The following CDK12 variants were observed in gnomAD, a reference collection of about 807,000 sequenced individuals.
CDK12 encodes the protein cyclin-dependent kinase 12.
In CDK12, 17 loss-of-function variants were observed where a neutral mutation model predicts 133.8. The ratio of observed to expected loss-of-function variants is 0.13; its 90% CI spans 0.09 to 0.19. The LOEUF (loss-of-function observed/expected upper bound fraction) is 0.19. CDK12 is among the 10% of genes least tolerant of loss of function. CDK12 has a pLI of 1.00. For synonymous variants in CDK12, 694 were observed against 683.6 expected (o/e 1.02, Z -0.24); for missense variants, 1,508 against 1,818.7 (o/e 0.83, Z 3.11).
At position 39,483,205 on chromosome 17, in the gene CDK12, G is replaced by A. The variant is rs571668327; in HGVS notation, c.1932-7352G>A. On this transcript the variant is annotated intron_variant, in intron 2 of 13. Transcript: ENST00000447079. ...TGGCATTACAGGCGTGAGCCACCTC[G>A]CCCTGGCTCAACTAAATTTTTGATA... Among the ~76,000 whole-genome samples the A allele has an allele frequency of 6.1e-4, 93 of 151,506 alleles. 1 individual carries two copies. The highest frequency in any genetic ancestry group is 8.8e-4 in the Non-Finnish European group (60 of 67,814).
At position 39,472,067 on chromosome 17, in the gene CDK12, T is replaced by C. The variant is rs377599590; in HGVS notation, c.1931+304T>C. Among the ~76,000 whole-genome samples the C allele has an allele frequency of 8.0e-4, 122 of 152,242 alleles. 1 individual carries two copies. The highest frequency in any genetic ancestry group is 2.9e-3 in the African/African-American group (119 of 41,568). On this transcript the variant is annotated intron_variant, in intron 2 of 13. Transcript: ENST00000447079. ...GGCGTCATCTCAGCTTACTGCAACA[T>C]CTGCCTCACAGGTTCAAGCGATTCT...
intron 6 of CDK12, among the ~76,000 whole-genome samples, chr17:39,508,667 A>G (rs1484812961): frequency 6.6e-6 from 1 of 152,080 alleles, no homozygotes; most frequent in Admixed American, 6.6e-5. Context: ...GAACTTAAAA[A>G]AAAAAATTCC....
chr17:39,544,751 C>T (rs776232620), upstream of CDK12, among the ~76,000 whole-genome samples: 24 of 151,484 alleles, frequency 1.6e-4, no homozygotes, highest in Non-Finnish European at 2.1e-4. Flanking sequence ...CTGCCTTAGC[C>T]TCCTGAGTAG....
intron 13 of CDK12, chr17:39,529,845 A>G (rs1265679451): frequency 1.4e-5 from 2 of 139,982 alleles, no homozygotes; most frequent in Non-Finnish European, 3.1e-5. Context: ...TTCATTCTGC[A>G]TGACACTGCT....
intron 2 of CDK12, among the ~76,000 whole-genome samples, chr17:39,474,516 T>C (rs1439933751): frequency 1.3e-5 from 2 of 152,112 alleles, no homozygotes; most frequent in Non-Finnish European, 2.9e-5. Context: ...GGTTACATCA[T>C]GTTGCCCAGG....
chr17:39,562,187 C>T (rs2056398939), intron 3 of CDK12, among the ~76,000 whole-genome samples: 1 of 152,220 alleles, frequency 6.6e-6, no homozygotes, highest in Non-Finnish European at 1.5e-5. Flanking sequence ...ATCCACCCGC[C>T]TCAGCCTCCC....
chr17:39,548,232 A>G (rs1157900753), upstream of CDK12, among the ~76,000 whole-genome samples: 1 of 152,074 alleles, frequency 6.6e-6, no homozygotes, highest in Admixed American at 6.6e-5. Context: ...AAAAAGTGAG[A>G]CAAATATTTG....
At chr17:39,561,396 C>T (rs868326878) in intron 3 of CDK12, among the ~76,000 whole-genome samples, 5 of 152,136 alleles carry the variant, frequency 3.3e-5, no homozygotes, top group Admixed American at 1.3e-4. Flanking sequence ...GTGTCTAGGA[C>T]GTGGTAGAGA....
chr17:39,551,755 C>T (rs188016887), intron 2 of CDK12, among the ~76,000 whole-genome samples: 2 of 152,272 alleles, frequency 1.3e-5, no homozygotes, highest in East Asian at 3.9e-4. Flanking sequence ...AAGTTTCCAG[C>T]TGTACCCATC....
chr17:39,555,791 C>G (rs1311361111), intron 2 of CDK12, among the ~76,000 whole-genome samples: 1 of 147,580 alleles, frequency 6.8e-6, no homozygotes, highest in Non-Finnish European at 1.5e-5. Flanking sequence ...CTTAGGAGTT[C>G]GAGACCAGCC....
rs1457116102 is a variant in CDK12, at chr17:39,532,160, C to G, written c.*844C>G. On this transcript the variant is annotated 3_prime_UTR_variant, in exon 14 of 14. Coordinates refer to ENST00000447079, the MANE Select transcript of CDK12 (RefSeq NM_016507.4). The stretch of plus-strand genomic sequence containing the variant: ...TCTCTCTCTGTCTCGCTTGCTCGCT[C>G]TCGCTGTTTCTCTCTCTTTGAGGCA... The G allele has an allele frequency of 1.8e-5, 4 of 227,670 alleles. No individual in the cohort carries two copies. Among genetic ancestry groups the G allele is most frequent in the Non-Finnish European group, 3.5e-5 (4 of 114,884 alleles). 14.1% of individuals were successfully genotyped at this position (227,670 alleles called of 1,614,324 possible).
chr17:39,537,485 G>C (rs2055184185), downstream of CDK12, among the ~76,000 whole-genome samples: 2 of 152,206 alleles, frequency 1.3e-5, no homozygotes, highest in South Asian at 4.1e-4. Flanking sequence ...GGTAAGAAGG[G>C]AGAACTAGAA....
intron 10 of CDK12, among the ~76,000 whole-genome samples, chr17:39,519,125 A>G (rs2054001786): frequency 6.6e-6 from 1 of 151,380 alleles, no homozygotes; most frequent in Non-Finnish European, 1.5e-5. Flanking sequence ...CTGGTCTCGA[A>G]CTCCTGACCT....
intron 3 of CDK12, among the ~76,000 whole-genome samples, chr17:39,557,583 T>C (rs1206396693): frequency 1.3e-5 from 2 of 152,162 alleles, no homozygotes; most frequent in Non-Finnish European, 2.9e-5. Flanking sequence ...GCAGAAAGGA[T>C]AGAGGGAAGA....
In CDK12 at chr17:39,534,072, T is replaced by C. The variant is rs2055017620; in HGVS notation, c.*2756T>C. 4.3e-6 allele frequency: 1 copy of C among 232,682 alleles called. No individual in the cohort carries two copies. Among genetic ancestry groups the C allele is most frequent in the Non-Finnish European group, 8.5e-6 (1 of 117,712 alleles). 14.4% of individuals were successfully genotyped at this position (232,682 alleles called of 1,614,324 possible). Reference sequence around the variant, plus strand: ...TTCATGAGTGGGAGGCAAAACTGGTTTGACCGTGATCATTTTTGTGGTTTT... The same window carrying C: ...TTCATGAGTGGGAGGCAAAACTGGTCTGACCGTGATCATTTTTGTGGTTTT... On this transcript the variant is annotated 3_prime_UTR_variant, in exon 14 of 14. Transcript: ENST00000447079.
At position 39,462,012 on chromosome 17, in the gene CDK12, G is replaced by T; in HGVS notation, c.-60G>T. On this transcript the variant is annotated 5_prime_UTR_variant, in exon 1 of 14. Coordinates refer to ENST00000447079, the MANE Select transcript of CDK12 (RefSeq NM_016507.4). ...GGAGTTGGGGTTGGGGGGGTGGGTG[G>T]GGGTTGCTTTTTGGAGTGCTGGGGA... 1 of 1,405,966 alleles carries T rather than the reference G, an allele frequency of 7.1e-7. No homozygotes were observed. The allele number at this position is 1,405,966 out of a possible 1,614,324, so 87.1% of individuals were successfully genotyped here.
chr17:39,473,664 G>T (rs1007290536), intron 2 of CDK12, among the ~76,000 whole-genome samples: 1 of 152,132 alleles, frequency 6.6e-6, no homozygotes, highest in Non-Finnish European at 1.5e-5. Context: ...GCCAAGGCGG[G>T]CGAATCATGA....
intron 6 of CDK12, among the ~76,000 whole-genome samples, chr17:39,509,340 C>G (rs2053338090): frequency 6.6e-6 from 1 of 152,058 alleles, no homozygotes. Context: ...TTTTTTTTCC[C>G]AACAATAAGT....
chr17:39,535,127 C>G (rs950136280), downstream of CDK12: 5 of 152,180 alleles, frequency 3.3e-5, no homozygotes, highest in African/African-American at 1.2e-4. Flanking sequence ...CACCTGAAGA[C>G]AGAATTGCTT....
Sources: gnomAD v4.1 joint callset for allele counts (sites outside exome capture counted in the v4.1 genomes callset) on GRCh38, gnomAD v4.1.1 for gene constraint, MANE v1.5 for transcripts, NCBI Gene and HGNC (gene_info 2026-07-23, HGNC 2026-07-21) for gene names.